The following PXDNL variants were observed in gnomAD, a reference collection of about 807,000 sequenced individuals.
The protein encoded by PXDNL is peroxidasin like, also known as probable oxidoreductase PXDNL.
A neutral mutation model predicts 150.8 loss-of-function variants in PXDNL; 145 were observed. The observed-to-expected ratio is 0.96, with a 90% CI of 0.84 to 1.10. PXDNL has a LOEUF of 1.10. Among genes scored for constraint, PXDNL ranks in the 50% least tolerant of loss-of-function variants. The probability of loss-of-function intolerance (pLI) is 0.00; values close to 1 mark genes in which losing one functional copy is unlikely to be tolerated. For synonymous variants in PXDNL, 757 were observed against 725.7 expected (o/e 1.04, Z -0.69); for missense variants, 2,087 against 1,873.9 (o/e 1.11, Z -2.10).
At chr8:51,361,275 T>G (rs1399291210) in intron 19 of PXDNL, among the ~76,000 whole-genome samples, 1 of 152,172 alleles carries the variant, frequency 6.6e-6, no homozygotes, top group Non-Finnish European at 1.5e-5. Context: ...AGAGGCCTCT[T>G]ATGTCTGACC....
chr8:51,494,578 G>C (rs1236586271), intron 5 of PXDNL, among the ~76,000 whole-genome samples: 1 of 152,084 alleles, frequency 6.6e-6, no homozygotes, highest in East Asian at 1.9e-4. Context: ...TAAAGGGATG[G>C]AAGAAGATCT....
intron 4 of PXDNL, among the ~76,000 whole-genome samples, chr8:51,546,929 CCCTTGGAACATAACT>C (rs146218345): frequency 0.018 from 2,676 of 152,208 alleles, 85 homozygotes; most frequent in African/African-American, 0.06. Context: ...TTCATAATCC[CCCTTGGAACATAACT>C]CCATTGGCCA....
At chr8:51,640,103 C>T (rs148490535) in intron 2 of PXDNL, among the ~76,000 whole-genome samples, 27,454 of 152,014 alleles carry the variant, frequency 0.18, 2,733 homozygotes, top group Non-Finnish European at 0.22. Flanking sequence ...AGACAAAAAC[C>T]ACATGATTAT....
At chr8:51,681,338 C>A (rs1815746992) in intron 1 of PXDNL, among the ~76,000 whole-genome samples, 1 of 152,206 alleles carries the variant, frequency 6.6e-6, no homozygotes, top group Non-Finnish European at 1.5e-5. Context: ...TCCACCCCCA[C>A]CTTGCCTATC....
intron 1 of PXDNL, among the ~76,000 whole-genome samples, chr8:51,805,426 ACAT>A (rs1287155517): frequency 2.7e-5 from 4 of 148,104 alleles, no homozygotes; most frequent in Admixed American, 6.8e-5. Flanking sequence ...ATTCCATAAC[ACAT>A]CATTTTATGT....
chr8:51,320,152 T>C, intron 22 of PXDNL, 130 bp from the exon 23 acceptor site: 1 of 792,314 alleles, frequency 1.3e-6, no homozygotes, highest in Non-Finnish European at 1.7e-6. Context: ...ATGCTCATAG[T>C]ATGAGCTCAT....
chr8:51,351,497 C>CA (rs536531163), intron 19 of PXDNL, among the ~76,000 whole-genome samples: 94 of 152,326 alleles, frequency 6.2e-4, no homozygotes, highest in African/African-American at 2.2e-3. Flanking sequence ...TTCTCCCACA[C>CA]AGCCCTCAGT....
At chr8:51,328,515 A>G (rs1805585734) in intron 21 of PXDNL, among the ~76,000 whole-genome samples, 1 of 152,226 alleles carries the variant, frequency 6.6e-6, no homozygotes, top group Non-Finnish European at 1.5e-5. Flanking sequence ...ATATTGTTTA[A>G]CCAGATAGCT....
chr8:51,696,748 C>CACAGTT (rs1563510127), intron 1 of PXDNL, among the ~76,000 whole-genome samples: 4 of 118,230 alleles, frequency 3.4e-5, no homozygotes, highest in East Asian at 2.4e-4. Flanking sequence ...CACACACATA[C>CACAGTT]CCACCCACAC....
At chr8:51,356,184 T>C (rs1377081829) in intron 19 of PXDNL, among the ~76,000 whole-genome samples, 1 of 152,212 alleles carries the variant, frequency 6.6e-6, no homozygotes, top group Non-Finnish European at 1.5e-5. Flanking sequence ...TTAGGCCACC[T>C]CCAGCTTCAA....
At chr8:51,362,938 A>G (rs1255297259) in intron 19 of PXDNL, among the ~76,000 whole-genome samples, 4 of 152,178 alleles carry the variant, frequency 2.6e-5, no homozygotes, top group Admixed American at 6.5e-5. Context: ...ATAAGTAGGT[A>G]CTTGTTTGAT....
intron 4 of PXDNL, among the ~76,000 whole-genome samples, chr8:51,537,116 T>C (rs1441220035): frequency 6.6e-6 from 1 of 152,150 alleles, no homozygotes; most frequent in African/African-American, 2.4e-5. Context: ...GGACATGTAA[T>C]ACCTTTAAGG....
intron 2 of PXDNL, among the ~76,000 whole-genome samples, chr8:51,598,079 C>CT (rs1333326590): frequency 6.6e-6 from 1 of 152,090 alleles, no homozygotes; most frequent in Admixed American, 6.6e-5. Context: ...GCTACTACTA[C>CT]TTTTTGTATG....
chr8:51,752,812 T>C (rs994226445), intron 1 of PXDNL, among the ~76,000 whole-genome samples: 2 of 152,262 alleles, frequency 1.3e-5, no homozygotes, highest in African/African-American at 4.8e-5. Flanking sequence ...TGATGGCAGA[T>C]GGAAGTTAAT....
At chr8:51,591,677 G>A (rs1813446725) in intron 3 of PXDNL, among the ~76,000 whole-genome samples, 1 of 151,420 alleles carries the variant, frequency 6.6e-6, no homozygotes, top group Non-Finnish European at 1.5e-5. Context: ...GGAGTGCAGT[G>A]GCGCCATCTC....
intron 3 of PXDNL, among the ~76,000 whole-genome samples, chr8:51,559,068 T>C (rs4427159): frequency 0.28 from 42,560 of 151,870 alleles, 7,568 homozygotes; most frequent in African/African-American, 0.5. Context: ...AACCGCATTC[T>C]TTGGTGAGTC....
chr8:51,584,247 T>C (rs1488798866), intron 3 of PXDNL, among the ~76,000 whole-genome samples: 1 of 152,142 alleles, frequency 6.6e-6, no homozygotes, highest in African/African-American at 2.4e-5. Flanking sequence ...TGAGTTATGA[T>C]CATTTGATGC....
At chr8:51,520,428 C>A (rs1017904490) in intron 4 of PXDNL, among the ~76,000 whole-genome samples, 1 of 151,348 alleles carries the variant, frequency 6.6e-6, no homozygotes, top group Non-Finnish European at 1.5e-5. Context: ...AATCACTCCA[C>A]GCCGCACCAG....
intron 3 of PXDNL, among the ~76,000 whole-genome samples, 176 bp from the exon 4 acceptor site, chr8:51,557,087 T>G (rs1812615999): frequency 6.6e-6 from 1 of 152,084 alleles, no homozygotes; most frequent in Admixed American, 6.6e-5. Flanking sequence ...TTGGTAAGAG[T>G]TCTAAGCCTC....
Sources: gnomAD v4.1 joint callset for allele counts (sites outside exome capture counted in the v4.1 genomes callset) on GRCh38, gnomAD v4.1.1 for gene constraint, MANE v1.5 for transcripts, NCBI Gene and HGNC (gene_info 2026-07-23, HGNC 2026-07-21) for gene names.